Variants in TTC28 observed in about 807,000 individuals in gnomAD.
TTC28 encodes tetratricopeptide repeat domain 28, also known as tetratricopeptide repeat protein 28.
A neutral mutation model predicts 198.0 loss-of-function variants in TTC28; 61 were observed. The observed-to-expected ratio is 0.31, with a 90% CI of 0.25 to 0.38. The LOEUF (loss-of-function observed/expected upper bound fraction) is 0.38, where lower values mean the gene tolerates loss of function less well. Among genes scored for constraint, TTC28 ranks in the 10% least tolerant of loss-of-function variants. The pLI, the probability that TTC28 is intolerant of heterozygous loss-of-function variation, is 1.00. For missense variants in TTC28, 2,678 were observed against 3,164.0 expected (o/e 0.85, Z 3.69); for synonymous variants, 1,171 against 1,297.8 (o/e 0.90, Z 2.10).
At position 28,107,944 on chromosome 22, in the gene TTC28, C is replaced by T. The variant is rs1181326508; in HGVS notation, c.1901G>A (p.Gly634Glu). ...ATAGCCAAGATTGTGGCAGACCTTC[C>T]CTTCTCCTTCCATGTCTTGAAGGTC... ...APDLQDMEGEGKVCHNLGYAH... is the reference protein window; with the variant it reads ...APDLQDMEGEEKVCHNLGYAH... Residue 634 changes from glycine to glutamate, a missense_variant, in exon 7 of 23, where the codon GGG becomes GAG. Gly to Glu is a moderately conservative substitution (Grantham distance 98, BLOSUM62 -2). Transcript: ENST00000397906. 1 of 1,551,676 alleles carries T rather than the reference C, an allele frequency of 6.4e-7. No individual in the cohort carries two copies. The highest frequency in any genetic ancestry group is 8.7e-7 in the Non-Finnish European group (1 of 1,147,000).
chr22:28,206,005 AAAG>A (rs1293622155), intron 5 of TTC28, among the ~76,000 whole-genome samples: 1 of 151,956 alleles, frequency 6.6e-6, no homozygotes, highest in African/African-American at 2.4e-5. Context: ...AAAAAAAAAA[AAAG>A]GAGACATTAT....
Position 27,996,140 on chromosome 22 carries a change from G to T in TTC28, c.5239C>A (p.His1747Asn). The change falls in exon 17 of 23, where the codon CAC becomes AAC. Residue 1747 changes from histidine to asparagine, a missense_variant. By Grantham distance (68) the His-to-Asn change is moderately conservative. Coordinates refer to ENST00000397906, the MANE Select transcript of TTC28 (RefSeq NM_001145418.2). ...RARDALRVLL[H>N]LVEKSLQRIQ... is the part of the protein sequence containing the mutation. ...AGGGTGCCCGACCCCCTTACCAGGT[G>T]CAGCAGCACTCGCAGGGCGTCCCGC... is the stretch of plus-strand genomic sequence containing the variant. 1 of 1,549,444 alleles carries T rather than the reference G, an allele frequency of 6.5e-7. No individual in the cohort carries two copies.
At chr22:28,233,859 C>T (rs1409119158) in intron 5 of TTC28, among the ~76,000 whole-genome samples, 1 of 151,868 alleles carries the variant, frequency 6.6e-6, no homozygotes. Flanking sequence ...ATTCTCCAGC[C>T]TCCTGAGTAG....
At chr22:28,271,250 T>C (rs1932049980) in intron 5 of TTC28, among the ~76,000 whole-genome samples, 1 of 152,056 alleles carries the variant, frequency 6.6e-6, no homozygotes, top group Admixed American at 6.6e-5. Context: ...CAATATTCCT[T>C]GGGTTAGACT....
intron 1 of TTC28, among the ~76,000 whole-genome samples, chr22:28,660,198 T>C (rs933315869): frequency 1.3e-4 from 20 of 152,338 alleles, no homozygotes; most frequent in East Asian, 7.7e-4. Flanking sequence ...ACACAACTTA[T>C]AGTACTAACA....
chr22:28,632,421 C>T (rs2051191961), intron 1 of TTC28, among the ~76,000 whole-genome samples: 1 of 151,756 alleles, frequency 6.6e-6, no homozygotes, highest in African/African-American at 2.4e-5. Context: ...GGATTACAGG[C>T]ATGCACCAAT....
intron 2 of TTC28, among the ~76,000 whole-genome samples, chr22:28,561,774 T>G (rs761452836): frequency 2.6e-5 from 4 of 152,340 alleles, no homozygotes; most frequent in African/African-American, 9.6e-5. Context: ...CCCTTACTTA[T>G]GCTTTCAACT....
intron 2 of TTC28, among the ~76,000 whole-genome samples, chr22:28,529,506 C>T (rs2145892394): frequency 6.6e-6 from 1 of 152,294 alleles, no homozygotes; most frequent in Non-Finnish European, 1.5e-5. Flanking sequence ...CAAAAGGCAG[C>T]AGAAACTTCT....
intron 7 of TTC28, 56 bp from the exon 8 acceptor site, chr22:28,105,858 C>A (rs1569141744): frequency 3.4e-6 from 5 of 1,473,688 alleles, no homozygotes; most frequent in Non-Finnish European, 4.5e-6. Context: ...TGCAGACATG[C>A]TAAAGCCCCT....
chr22:28,288,808 G>A (rs1404041312), intron 5 of TTC28, among the ~76,000 whole-genome samples: 3 of 116,060 alleles, frequency 2.6e-5, no homozygotes, highest in African/African-American at 8.5e-5. Flanking sequence ...GCGAGACTCC[G>A]TTTCAAAAAA....
chr22:28,353,804 T>C (rs1221170160), intron 2 of TTC28, among the ~76,000 whole-genome samples: 1 of 152,178 alleles, frequency 6.6e-6, no homozygotes, highest in African/African-American at 2.4e-5. Flanking sequence ...ATCCAGAATA[T>C]ATGAAGAACT....
At chr22:28,422,739 C>A (rs2047279841) in intron 2 of TTC28, among the ~76,000 whole-genome samples, 1 of 152,036 alleles carries the variant, frequency 6.6e-6, no homozygotes, top group African/African-American at 2.4e-5. Flanking sequence ...GCCACCGCAC[C>A]CAGCCAAATA....
intron 2 of TTC28, among the ~76,000 whole-genome samples, chr22:28,598,210 A>G (rs956193832): frequency 6.6e-6 from 1 of 151,828 alleles, no homozygotes; most frequent in Non-Finnish European, 1.5e-5. Flanking sequence ...ATATAAATGC[A>G]ACTTAAAAGT....
At chr22:28,580,758 A>G (rs2050222671) in intron 2 of TTC28, among the ~76,000 whole-genome samples, 1 of 152,178 alleles carries the variant, frequency 6.6e-6, no homozygotes, top group Non-Finnish European at 1.5e-5. Flanking sequence ...TTCCTAAAGT[A>G]ATTCATAAAA....
At chr22:28,028,945 T>G (rs1938958187) in intron 13 of TTC28, 2 of 470,052 alleles carry the variant, frequency 4.3e-6, no homozygotes, top group African/African-American at 4.0e-5. Context: ...CTACAGCTTG[T>G]GAGTGGCAAG....
intron 5 of TTC28, among the ~76,000 whole-genome samples, chr22:28,175,724 ACT>A (rs1381263984): frequency 3.9e-5 from 6 of 151,944 alleles, no homozygotes; most frequent in Non-Finnish European, 1.5e-5. Flanking sequence ...CAAGAGCAAA[ACT>A]CTGTCTCAAA....
Position 28,641,616 on chromosome 22 carries a change from T to TA in TTC28, c.103-11787dup, listed in dbSNP as rs561022766. Among the ~76,000 whole-genome samples the TA allele has an allele frequency of 6.2e-4, 94 of 152,272 alleles. 3 individuals are homozygous for TA. In the South Asian group the frequency reaches 0.019, roughly 30 times the overall value. Reference sequence around the variant, plus strand: ...TGGTTGAACAACCTTGTGAAAATACTAAAAACCACTGAATTGTATACTTTA... The same window carrying TA: ...TGGTTGAACAACCTTGTGAAAATACTAAAAAACCACTGAATTGTATACTTTA... On this transcript the variant is annotated intron_variant, in intron 1 of 22. Coordinates refer to ENST00000397906, the MANE Select transcript of TTC28 (RefSeq NM_001145418.2).
At chr22:28,426,600 G>T (rs1013527757) in intron 2 of TTC28, among the ~76,000 whole-genome samples, 2 of 152,018 alleles carry the variant, frequency 1.3e-5, no homozygotes, top group Non-Finnish European at 2.9e-5. Flanking sequence ...GGAACCACTC[G>T]GTGATCCACC....
At chr22:28,420,219 T>C (rs1390145359) in intron 2 of TTC28, among the ~76,000 whole-genome samples, 1 of 152,176 alleles carries the variant, frequency 6.6e-6, no homozygotes, top group East Asian at 1.9e-4. Context: ...CACGCCTATT[T>C]CTCTACCTCT....
Sources: gnomAD v4.1 joint callset for allele counts (sites outside exome capture counted in the v4.1 genomes callset) on GRCh38, gnomAD v4.1.1 for gene constraint, MANE v1.5 for transcripts, NCBI Gene and HGNC (gene_info 2026-07-23, HGNC 2026-07-21) for gene names.